LRMDA: variants seen among roughly 807,000 people sequenced by gnomAD.
LRMDA encodes leucine rich melanocyte differentiation associated.
In LRMDA, 18 loss-of-function variants were observed where a neutral mutation model predicts 29.8. That is an observed-to-expected ratio of 0.60 (90% confidence interval 0.42 to 0.90). The LOEUF (loss-of-function observed/expected upper bound fraction) is 0.90, where lower values mean the gene tolerates loss of function less well. Ranked by LOEUF, LRMDA falls within the 40% of genes least tolerant of loss-of-function variation. The pLI, the probability that LRMDA is intolerant of heterozygous loss-of-function variation, is 0.00. For missense variants in LRMDA, 273 were observed against 273.9 expected, an observed-to-expected ratio of 1.00 and a Z score of 0.02; for synonymous variants, 125 against 109.4, an observed-to-expected ratio of 1.14 and a Z score of -0.89.
chr10:75,725,833 T>C (rs2132192269), intron 2 of LRMDA, among the ~76,000 whole-genome samples: 1 of 152,354 alleles, frequency 6.6e-6, no homozygotes, highest in Non-Finnish European at 1.5e-5. Context: ...GCTTTTGCCT[T>C]ATTATTCAAG....
At chr10:76,398,416 G>A (rs886177286) in intron 6 of LRMDA, among the ~76,000 whole-genome samples, 1 of 152,172 alleles carries the variant, frequency 6.6e-6, no homozygotes, top group South Asian at 2.1e-4. Flanking sequence ...GTGACCTCCT[G>A]TTGCTTTGCA....
At chr10:76,134,701 C>T (rs968186397) in intron 5 of LRMDA, among the ~76,000 whole-genome samples, 1 of 151,982 alleles carries the variant, frequency 6.6e-6, no homozygotes, top group African/African-American at 2.4e-5. Flanking sequence ...GTGATTGACC[C>T]AACAGATTCC....
At chr10:76,442,266 A>G (rs1842311414) in intron 6 of LRMDA, among the ~76,000 whole-genome samples, 1 of 152,224 alleles carries the variant, frequency 6.6e-6, no homozygotes, top group Non-Finnish European at 1.5e-5. Context: ...AAAATGCCTG[A>G]ACATGGGGTC....
chr10:76,034,410 A>G (rs145467774), intron 2 of LRMDA, among the ~76,000 whole-genome samples: 12 of 152,104 alleles, frequency 7.9e-5, no homozygotes, highest in Non-Finnish European at 1.5e-4. Context: ...CTGGACCCCT[A>G]CTCCAAAATG....
At chr10:76,148,683 C>T (rs867757186) in intron 5 of LRMDA, among the ~76,000 whole-genome samples, 12 of 152,276 alleles carry the variant, frequency 7.9e-5, no homozygotes, top group Middle Eastern at 6.8e-3. Context: ...GTGCACAGTG[C>T]GCTGCACCCA....
chr10:76,003,854 C>T (rs1459927991), intron 2 of LRMDA, among the ~76,000 whole-genome samples: 2 of 152,154 alleles, frequency 1.3e-5, no homozygotes, highest in African/African-American at 2.4e-5. Context: ...CCTGTGCCTG[C>T]CAGTCCTTAA....
intron 5 of LRMDA, among the ~76,000 whole-genome samples, chr10:76,075,597 T>C (rs1157163125): frequency 6.6e-6 from 1 of 152,248 alleles, no homozygotes; most frequent in Non-Finnish European, 1.5e-5. Context: ...TGAGCCAGCA[T>C]CTACCATACT....
intron 6 of LRMDA, among the ~76,000 whole-genome samples, chr10:76,485,866 A>G (rs1035710071): frequency 2.0e-5 from 3 of 151,840 alleles, no homozygotes; most frequent in Non-Finnish European, 2.9e-5. Flanking sequence ...TACTGTGTCT[A>G]TTAGAAGCTT....
chr10:76,264,611 A>C (rs955634396), intron 5 of LRMDA, among the ~76,000 whole-genome samples: 6 of 151,996 alleles, frequency 3.9e-5, no homozygotes. Flanking sequence ...CTTAAATTCC[A>C]GCTTTATCCC....
At chr10:75,757,769 G>A (rs183598389) in intron 2 of LRMDA, among the ~76,000 whole-genome samples, 1 of 151,062 alleles carries the variant, frequency 6.6e-6, no homozygotes, top group East Asian at 1.9e-4. Context: ...TGTAAAGTTT[G>A]TAGGGCAGAT....
chr10:75,616,494 TGTG>T (rs1841103753), intron 2 of LRMDA, among the ~76,000 whole-genome samples: 2 of 152,236 alleles, frequency 1.3e-5, no homozygotes, highest in African/African-American at 2.4e-5. Flanking sequence ...AAAATTGTGA[TGTG>T]GTACCCAGAT....
chr10:76,519,063 CTT>C (rs1843092885), intron 6 of LRMDA, among the ~76,000 whole-genome samples: 1 of 152,098 alleles, frequency 6.6e-6, no homozygotes, highest in South Asian at 2.1e-4. Context: ...AATCCCAGCA[CTT>C]TGGGAGGCTG....
chr10:76,389,284 C>G (rs905381201), intron 6 of LRMDA, among the ~76,000 whole-genome samples: 1 of 151,832 alleles, frequency 6.6e-6, no homozygotes, highest in African/African-American at 2.4e-5. Flanking sequence ...GCTGTGGTGG[C>G]AAGTTTCGAA....
At chr10:75,596,565 TATA>T (rs1840791201) in intron 2 of LRMDA, among the ~76,000 whole-genome samples, 2 of 152,100 alleles carry the variant, frequency 1.3e-5, no homozygotes, top group South Asian at 4.1e-4. Flanking sequence ...TAAAATGACA[TATA>T]ATAATTGTAC....
intron 6 of LRMDA, among the ~76,000 whole-genome samples, chr10:76,338,757 T>C (rs1049440956): frequency 3.3e-5 from 5 of 151,942 alleles, no homozygotes; most frequent in Admixed American, 3.3e-4. Context: ...TAAAATGACA[T>C]AGAAAACTTG....
At chr10:76,133,677 A>T (rs548803388) in intron 5 of LRMDA, among the ~76,000 whole-genome samples, 3 of 152,360 alleles carry the variant, frequency 2.0e-5, no homozygotes, top group African/African-American at 7.2e-5. Flanking sequence ...CTCTCACCTG[A>T]TGGAGCTTCG....
chr10:75,617,873 G>GA (rs1447290403), intron 2 of LRMDA, among the ~76,000 whole-genome samples: 3 of 152,200 alleles, frequency 2.0e-5, no homozygotes, highest in Admixed American at 6.5e-5. Flanking sequence ...GGTGGAGTAA[G>GA]CAGTAGGAGA....
In LRMDA at chr10:76,280,338, T is replaced by C. The variant is rs549480319; in HGVS notation, c.517-44063T>C. On this transcript the variant is annotated intron_variant, in intron 5 of 6. Transcript: ENST00000611255. The stretch of plus-strand genomic sequence containing the variant: ...TTGCCATCTTCCATTTTAGTGACCT[T>C]GAGCAAGCTGGTTCAGCTTGGGGTA... Among the ~76,000 whole-genome samples, 10 of 152,260 alleles carry C rather than the reference T, an allele frequency of 6.6e-5. No homozygotes were observed. In the South Asian group the frequency reaches 2.1e-3, roughly 32 times the overall value.
chr10:76,112,198 A>AGAAG (rs1849590671), intron 5 of LRMDA, among the ~76,000 whole-genome samples: 1 of 152,140 alleles, frequency 6.6e-6, no homozygotes, highest in Non-Finnish European at 1.5e-5. Flanking sequence ...GTCTCCTTCT[A>AGAAG]GCGGCGAGGA....
Sources: allele counts gnomAD v4.1 joint callset (sites outside exome capture counted in the v4.1 genomes callset), GRCh38; gene constraint gnomAD v4.1.1; transcripts MANE v1.5; gene names NCBI Gene and HGNC (gene_info 2026-07-23, HGNC 2026-07-21).